Variants in SGCD observed in about 807,000 individuals in gnomAD.
SGCD encodes sarcoglycan delta.
Under a neutral mutation model 36.6 loss-of-function variants are expected in SGCD, and 18 were observed. That is an observed-to-expected ratio of 0.49 (90% CI 0.34 to 0.73). The LOEUF (loss-of-function observed/expected upper bound fraction) is 0.73, where lower values mean the gene tolerates loss of function less well. Among genes scored for constraint, SGCD ranks in the 30% least tolerant of loss-of-function variants. The probability of loss-of-function intolerance (pLI) is 0.01; values close to 1 mark genes in which losing one functional copy is unlikely to be tolerated. For missense variants in SGCD, 387 were observed against 346.7 expected (o/e 1.12, Z -0.92); for synonymous variants, 133 against 130.6 (o/e 1.02, Z -0.12).
intron 3 of SGCD, among the ~76,000 whole-genome samples, chr5:156,384,580 A>T (rs1771174246): frequency 6.6e-6 from 1 of 152,190 alleles, no homozygotes; most frequent in Non-Finnish European, 1.5e-5. Context: ...TAAATGCACA[A>T]ATTAAAAAGT....
At chr5:156,157,386 A>C (rs566567145) in intron 3 of SGCD, among the ~76,000 whole-genome samples, 5 of 151,816 alleles carry the variant, frequency 3.3e-5, no homozygotes, top group African/African-American at 9.7e-5. Context: ...GAATAAACAG[A>C]GCCAGGTATT....
chr5:156,649,627 C>A (rs181807354), intron 7 of SGCD, among the ~76,000 whole-genome samples: 1 of 150,996 alleles, frequency 6.6e-6, no homozygotes, highest in Non-Finnish European at 1.5e-5. Context: ...AACCAAACAC[C>A]GCATGTTCTC....
chr5:156,355,375 A>G (rs954158405), intron 3 of SGCD, among the ~76,000 whole-genome samples: 1 of 151,364 alleles, frequency 6.6e-6, no homozygotes, highest in South Asian at 2.1e-4. Flanking sequence ...AACAGCCAAG[A>G]TAACTACTAT....
intron 7 of SGCD, among the ~76,000 whole-genome samples, chr5:156,698,490 G>A (rs1754403120): frequency 6.6e-6 from 1 of 152,170 alleles, no homozygotes; most frequent in African/African-American, 2.4e-5. Flanking sequence ...AGGAACCTCG[G>A]AGGCCACATG....
intron 6 of SGCD, among the ~76,000 whole-genome samples, chr5:156,600,263 C>T (rs1761136383): frequency 6.6e-6 from 1 of 152,126 alleles, no homozygotes; most frequent in Non-Finnish European, 1.5e-5. Flanking sequence ...ACTTATTTCT[C>T]CTATCTAAAT....
chr5:156,471,991 A>G (rs1045237174), intron 3 of SGCD, among the ~76,000 whole-genome samples: 1 of 151,808 alleles, frequency 6.6e-6, no homozygotes, highest in African/African-American at 2.4e-5. Flanking sequence ...ATGAATGGCC[A>G]ATTAAGCACA....
intron 7 of SGCD, among the ~76,000 whole-genome samples, chr5:156,675,175 C>G (rs898822301): frequency 1.3e-5 from 2 of 152,190 alleles, no homozygotes; most frequent in Non-Finnish European, 2.9e-5. Flanking sequence ...CTTTCTGTCT[C>G]AGTTCCCTCA....
At chr5:155,806,585 A>G in the SGCD span, among the ~76,000 whole-genome samples, 45 of 152,344 alleles carry the variant, frequency 3.0e-4, 1 homozygote, top group South Asian at 9.1e-3. Context: ...AGAGAAGGTA[A>G]TAATATAATT....
chr5:156,390,687 G>A (rs1431092909), intron 3 of SGCD, among the ~76,000 whole-genome samples: 1 of 152,012 alleles, frequency 6.6e-6, no homozygotes, highest in African/African-American at 2.4e-5. Context: ...TCAAGATTTT[G>A]CCATTGCACT....
chr5:155,770,058 T>C, the SGCD span, among the ~76,000 whole-genome samples: 1 of 152,120 alleles, frequency 6.6e-6, no homozygotes, highest in Non-Finnish European at 1.5e-5. Context: ...ATTGTACTAC[T>C]CTCCTTTTCT....
At chr5:156,084,547 T>A (rs1400743949) in intron 1 of SGCD, among the ~76,000 whole-genome samples, 1 of 152,046 alleles carries the variant, frequency 6.6e-6, no homozygotes, top group Admixed American at 6.6e-5. Flanking sequence ...ATGTTTATCT[T>A]ATAATCTGTG....
At chr5:156,344,412 T>TA (rs1488969164) in intron 2 of SGCD, 77 bp from the exon 3 acceptor site, 2 of 936,124 alleles carry the variant, frequency 2.1e-6, no homozygotes, top group East Asian at 6.4e-5. Context: ...CATCAGTTGA[T>TA]TTTTTTTTCC....
At chr5:156,189,190 G>T (rs188213107) in intron 3 of SGCD, among the ~76,000 whole-genome samples, 28 of 152,226 alleles carry the variant, frequency 1.8e-4, no homozygotes, top group African/African-American at 6.5e-4. Flanking sequence ...ACCTCTTCTG[G>T]CACCTGCCAT....
At chr5:155,832,751 A>G in the SGCD span, among the ~76,000 whole-genome samples, 1 of 152,200 alleles carries the variant, frequency 6.6e-6, no homozygotes, top group African/African-American at 2.4e-5. Flanking sequence ...GTGTTTGATT[A>G]CTTTTGTGTA....
At chr5:155,849,332 A>G in the SGCD span, among the ~76,000 whole-genome samples, 1 of 152,154 alleles carries the variant, frequency 6.6e-6, no homozygotes, top group Non-Finnish European at 1.5e-5. Flanking sequence ...CTAATTTTTA[A>G]TACTGAAATT....
intron 4 of SGCD, among the ~76,000 whole-genome samples, chr5:156,543,231 C>G (rs372381846): frequency 4.6e-5 from 7 of 152,120 alleles, no homozygotes; most frequent in Non-Finnish European, 4.4e-5. Flanking sequence ...CAGTATGTGC[C>G]AGTAGTACCC....
intron 7 of SGCD, among the ~76,000 whole-genome samples, chr5:156,722,472 A>G (rs1581466140): frequency 6.6e-6 from 1 of 152,200 alleles, no homozygotes; most frequent in South Asian, 2.1e-4. Context: ...TAAAGTCTAT[A>G]CAGCCACTAC....
intron 3 of SGCD, among the ~76,000 whole-genome samples, chr5:156,227,312 T>C (rs1430479036): frequency 6.6e-6 from 1 of 152,146 alleles, no homozygotes; most frequent in Non-Finnish European, 1.5e-5. Context: ...TTTATTCTCC[T>C]ATCTGTGGCT....
At chr5:155,820,433 G>A in the SGCD span, among the ~76,000 whole-genome samples, 2 of 152,052 alleles carry the variant, frequency 1.3e-5, no homozygotes, top group Admixed American at 1.3e-4. Context: ...GCCAAGAGGG[G>A]TAAATTGCTC....
Sources: gnomAD v4.1 joint callset for allele counts (sites outside exome capture counted in the v4.1 genomes callset) on GRCh38, gnomAD v4.1.1 for gene constraint, MANE v1.5 for transcripts, NCBI Gene and HGNC (gene_info 2026-07-23, HGNC 2026-07-21) for gene names.